Variants in HECW1 observed in about 807,000 individuals in gnomAD.
HECW1 encodes the protein E3 ubiquitin-protein ligase HECW1.
In HECW1, 61 loss-of-function variants were observed where a neutral mutation model predicts 182.3. That is an observed-to-expected ratio of 0.33 (90% CI 0.27 to 0.41). The LOEUF is 0.41. Ranked by LOEUF, HECW1 falls within the 10% of genes least tolerant of loss-of-function variation. The pLI, the probability that HECW1 is intolerant of heterozygous loss-of-function variation, is 1.00. For missense variants in HECW1, 1,739 were observed against 2,108.9 expected (o/e 0.82, Z 3.44); for synonymous variants, 859 against 832.6 (o/e 1.03, Z -0.55).
intron 14 of HECW1, among the ~76,000 whole-genome samples, chr7:43,464,627 A>G (rs1181827527): frequency 6.6e-6 from 1 of 152,210 alleles, no homozygotes; most frequent in Non-Finnish European, 1.5e-5. Context: ...CTGGGCAGGC[A>G]GCACTGGGAT....
intron 5 of HECW1, among the ~76,000 whole-genome samples, chr7:43,340,747 G>T (rs1812866312): frequency 1.3e-5 from 2 of 151,778 alleles, no homozygotes; most frequent in Admixed American, 1.3e-4. Flanking sequence ...GGAAGACAGT[G>T]TGGCGATTCC....
intron 2 of HECW1, among the ~76,000 whole-genome samples, chr7:43,203,094 G>A (rs931620646): frequency 2.6e-5 from 4 of 152,086 alleles, no homozygotes; most frequent in Non-Finnish European, 5.9e-5. Context: ...ACGGACGCGC[G>A]TGACACTCAG....
At chr7:43,467,120 G>C in intron 15 of HECW1, among the ~76,000 whole-genome samples, 1 of 152,134 alleles carries the variant, frequency 6.6e-6, no homozygotes, top group South Asian at 2.1e-4. Flanking sequence ...AACATTTTCT[G>C]TGGTTCAGGC....
intron 2 of HECW1, among the ~76,000 whole-genome samples, chr7:43,200,225 G>C (rs1794904186): frequency 6.6e-6 from 1 of 152,156 alleles, no homozygotes; most frequent in Non-Finnish European, 1.5e-5. Flanking sequence ...AATGGCATTA[G>C]TTATACTTAT....
At chr7:43,367,715 A>T (rs1352463421) in intron 6 of HECW1, among the ~76,000 whole-genome samples, 1 of 152,196 alleles carries the variant, frequency 6.6e-6, no homozygotes, top group Non-Finnish European at 1.5e-5. Context: ...AGATCTTCTG[A>T]CTATTGTTAA....
At chr7:43,179,137 A>G (rs1792547606) in intron 2 of HECW1, among the ~76,000 whole-genome samples, 1 of 152,248 alleles carries the variant, frequency 6.6e-6, no homozygotes, top group Admixed American at 6.5e-5. Context: ...AGTTGTTGAC[A>G]CTCAAAAGGC....
intron 2 of HECW1, among the ~76,000 whole-genome samples, chr7:43,127,581 A>G (rs1004405097): frequency 6.6e-6 from 1 of 151,988 alleles, no homozygotes; most frequent in African/African-American, 2.4e-5. Flanking sequence ...ATATAAAGAA[A>G]GTTTTCATGG....
chr7:43,242,973 A>G (rs557558761), intron 2 of HECW1, among the ~76,000 whole-genome samples: 73 of 152,122 alleles, frequency 4.8e-4, no homozygotes, highest in Middle Eastern at 3.4e-3. Context: ...TTGAGAACAT[A>G]ATCTCTGCAC....
chr7:43,479,562 G>A (rs759706912), intron 16 of HECW1, 48 bp from the exon 17 acceptor site: 1 of 1,611,424 alleles, frequency 6.2e-7, no homozygotes, highest in Middle Eastern at 1.7e-4. Flanking sequence ...CTCCATTTTG[G>A]CCTATTCTCA....
chr7:43,468,715 T>C (rs2077891862), intron 15 of HECW1, among the ~76,000 whole-genome samples: 1 of 152,014 alleles, frequency 6.6e-6, no homozygotes, highest in Non-Finnish European at 1.5e-5. Flanking sequence ...AGAGACAGGG[T>C]CTCGCTATGT....
chr7:43,488,434 G>GAAAGAAAGAA (rs1554440499), intron 17 of HECW1, among the ~76,000 whole-genome samples: 2,818 of 93,122 alleles, frequency 0.03, 187 homozygotes, highest in East Asian at 0.057. Context: ...AAGAAAGAAA[G>GAAAGAAAGAA]AGAAAGAAAG....
intron 28 of HECW1, among the ~76,000 whole-genome samples, chr7:43,553,757 A>G (rs1156712358): frequency 6.6e-6 from 1 of 150,654 alleles, no homozygotes; most frequent in Middle Eastern, 3.2e-3. Context: ...CACCAGACAC[A>G]CCTCTACTCT....
chr7:43,334,408 CTGTCTCA>C (rs1334062868), intron 5 of HECW1, among the ~76,000 whole-genome samples: 1 of 152,236 alleles, frequency 6.6e-6, no homozygotes, highest in African/African-American at 2.4e-5. Flanking sequence ...GCAGATGTCT[CTGTCTCA>C]TGTATCACAC....
At position 43,444,182 on chromosome 7, in the gene HECW1, C is replaced by A; in HGVS notation, c.1046-36C>A. 1 of 1,566,572 alleles carries A rather than the reference C, an allele frequency of 6.4e-7. No homozygotes were observed. The highest frequency in any genetic ancestry group is 8.7e-7 in the Non-Finnish European group (1 of 1,153,596). On this transcript the variant is annotated intron_variant, in intron 10 of 29. Coordinates refer to ENST00000395891, the MANE Select transcript of HECW1 (RefSeq NM_015052.5). This position sits in a 1 kb window ranked among gnomAD's most constrained non-coding sequence, Gnocchi z 4.3. Reference sequence around the variant, plus strand: ...TATCCTAACACCACAATGCTCTCTTCTGGGAGAAATGACATATTTTTCTTC... The same window carrying A: ...TATCCTAACACCACAATGCTCTCTTATGGGAGAAATGACATATTTTTCTTC...
intron 2 of HECW1, among the ~76,000 whole-genome samples, chr7:43,144,863 GT>G (rs1439866946): frequency 6.6e-6 from 1 of 152,116 alleles, no homozygotes; most frequent in Non-Finnish European, 1.5e-5. Flanking sequence ...TATTTTTGAT[GT>G]TCGAAAACCC....
rs141912953 is a variant in HECW1, at chr7:43,284,620, T to C, written c.28-27143T>C. Among the ~76,000 whole-genome samples the C allele has an allele frequency of 2.4e-3, 372 of 152,298 alleles. 1 individual carries two copies. Among genetic ancestry groups the C allele is most frequent in the African/African-American group, 8.7e-3 (363 of 41,558 alleles). The stretch of plus-strand genomic sequence containing the variant: ...CTTGTTATTATCTACAGTTACCCTG[T>C]TGTACAATAGATCACTTGAACTTAC... On this transcript the variant is annotated intron_variant, in intron 3 of 29. Transcript: ENST00000395891.
At chr7:43,456,568 A>G in intron 13 of HECW1, 121 bp downstream of exon 13, 2 of 916,670 alleles carry the variant, frequency 2.2e-6, no homozygotes, top group Non-Finnish European at 3.0e-6. Flanking sequence ...GTAATTAAGT[A>G]TCTTAAGAAA....
intron 11 of HECW1, among the ~76,000 whole-genome samples, chr7:43,447,305 A>G (rs1184061089): frequency 6.6e-6 from 1 of 152,150 alleles, no homozygotes; most frequent in Non-Finnish European, 1.5e-5. Flanking sequence ...GGCTCAATGT[A>G]AATTTATATA....
At chr7:43,398,337 C>T (rs1239465567) in intron 7 of HECW1, among the ~76,000 whole-genome samples, 1 of 152,134 alleles carries the variant, frequency 6.6e-6, no homozygotes, top group Non-Finnish European at 1.5e-5. Context: ...ATACAAAGCT[C>T]AGGGCTTCAC....
Sources: gnomAD v4.1 joint callset for allele counts (sites outside exome capture counted in the v4.1 genomes callset) on GRCh38, gnomAD v4.1.1 for gene constraint, Gnocchi (gnomAD v3.1) non-coding constraint, MANE v1.5 for transcripts, NCBI Gene and HGNC (gene_info 2026-07-23, HGNC 2026-07-21) for gene names.